Variants in HDAC9 observed in about 807,000 individuals in gnomAD.
The protein encoded by HDAC9 is histone deacetylase 9.
HDAC9 carries 41 observed loss-of-function variants against 139.4 expected under a neutral mutation model. The observed-to-expected ratio is 0.29, with a 90% CI of 0.23 to 0.38. HDAC9 has a LOEUF of 0.38. Among genes scored for constraint, HDAC9 ranks in the 10% least tolerant of loss-of-function variants. The pLI is 1.00. For synonymous variants in HDAC9, 517 were observed against 476.2 expected (o/e 1.09, Z -1.12); for missense variants, 1,147 against 1,297.0 (o/e 0.88, Z 1.78).
At chr7:18,769,474 C>T (rs1192563321) in intron 16 of HDAC9, among the ~76,000 whole-genome samples, 1 of 151,890 alleles carries the variant, frequency 6.6e-6, no homozygotes, top group Non-Finnish European at 1.5e-5. Flanking sequence ...GAGAAGGAGC[C>T]CTGCATTGTT....
chr7:18,133,026 T>C (rs1405330647), intron 1 of HDAC9, among the ~76,000 whole-genome samples: 3 of 152,160 alleles, frequency 2.0e-5, no homozygotes, highest in African/African-American at 7.2e-5. Context: ...TTAATGTAGC[T>C]GAAACTGCTC....
chr7:18,321,998 G>A (rs1189638605), intron 1 of HDAC9, among the ~76,000 whole-genome samples: 1 of 152,116 alleles, frequency 6.6e-6, no homozygotes, highest in Admixed American at 6.5e-5. Flanking sequence ...AGGTGAGAAT[G>A]CCTTTGAGAT....
chr7:18,712,489 C>G (rs1019945002), intron 12 of HDAC9, among the ~76,000 whole-genome samples: 1 of 152,192 alleles, frequency 6.6e-6, no homozygotes, highest in African/African-American at 2.4e-5. Flanking sequence ...TAACTAAAAG[C>G]ATGATTTTAA....
intron 22 of HDAC9, among the ~76,000 whole-genome samples, chr7:18,886,693 AT>A (rs1437518730): frequency 2.0e-5 from 3 of 152,180 alleles, no homozygotes; most frequent in African/African-American, 7.2e-5. Context: ...TTAGATTTCT[AT>A]TTTATATTTT....
At chr7:18,455,393 A>G (rs1793251429) in intron 1 of HDAC9, among the ~76,000 whole-genome samples, 1 of 152,136 alleles carries the variant, frequency 6.6e-6, no homozygotes, top group South Asian at 2.1e-4. Context: ...TTTAGCCAGG[A>G]CATTGATTTC....
At chr7:18,872,982 T>A (rs1799046313) in intron 21 of HDAC9, among the ~76,000 whole-genome samples, 1 of 152,180 alleles carries the variant, frequency 6.6e-6, no homozygotes, top group African/African-American at 2.4e-5. Flanking sequence ...AAAATTAAAT[T>A]GAGTATCTTG....
intron 1 of HDAC9, among the ~76,000 whole-genome samples, chr7:18,131,630 G>A (rs1248814159): frequency 6.6e-6 from 1 of 152,146 alleles, no homozygotes; most frequent in Non-Finnish European, 1.5e-5. Flanking sequence ...AAGAGTCAGT[G>A]TGTTTCCTAA....
chr7:18,940,264 ATCTT>A lies in HDAC9; in HGVS notation c.2937+4324_2937+4327del, dbSNP rs529371430. On this transcript the variant is annotated intron_variant, in intron 23 of 25. Transcript: ENST00000686413. ...AACATGCATTTTCTTCTTTTTAAATATCTTTATCATGAAAATGATCTACTTAGCA... is the reference window on the plus strand; with the variant it reads ...AACATGCATTTTCTTCTTTTTAAATATATCATGAAAATGATCTACTTAGCA... 2.6e-5 allele frequency among the ~76,000 whole-genome samples: 4 copies of A among 152,316 alleles called. No individual in the cohort carries two copies. In the South Asian group the frequency reaches 6.2e-4, roughly 24 times the overall value.
At chr7:18,841,150 C>G (rs893062024) in intron 21 of HDAC9, among the ~76,000 whole-genome samples, 12 of 151,902 alleles carry the variant, frequency 7.9e-5, no homozygotes, top group Non-Finnish European at 1.8e-4. Flanking sequence ...ATTATTCTGG[C>G]TAATTCTTAG....
At chr7:18,825,073 G>A (rs143136671) in intron 17 of HDAC9, among the ~76,000 whole-genome samples, 37 of 152,344 alleles carry the variant, frequency 2.4e-4, no homozygotes, top group African/African-American at 8.2e-4. Context: ...AAGGCCAGAA[G>A]TTTGATTTTG....
chr7:18,971,407 G>A (rs1262428175), intron 24 of HDAC9, among the ~76,000 whole-genome samples: 4 of 152,118 alleles, frequency 2.6e-5, no homozygotes, highest in Non-Finnish European at 5.9e-5. Context: ...TTGACTTTAT[G>A]AATAACAGCT....
intron 2 of HDAC9, among the ~76,000 whole-genome samples, chr7:18,506,520 A>AT (rs1179363294): frequency 1.3e-5 from 2 of 151,932 alleles, no homozygotes; most frequent in African/African-American, 2.4e-5. Flanking sequence ...AAGTGTATAT[A>AT]TATCTGTTTC....
intron 8 of HDAC9, among the ~76,000 whole-genome samples, chr7:18,635,492 A>G (rs1253592258): frequency 1.3e-5 from 2 of 152,058 alleles, no homozygotes; most frequent in African/African-American, 4.8e-5. Flanking sequence ...CTAAGAGGAA[A>G]GTTAATGTAA....
Position 18,183,210 on chromosome 7 carries a change from C to T in HDAC9, c.25+20861C>T, listed in dbSNP as rs375314993. Among the ~76,000 whole-genome samples the T allele has an allele frequency of 4.8e-4, 73 of 151,988 alleles. 1 individual carries two copies. Among genetic ancestry groups the T allele is most frequent in the South Asian group, 1.7e-3 (8 of 4,814 alleles). ...ATTTTTAGTAGAGACGGGGTTTCACCGTGTTAGCCAGGATGGTCTTGATCT... is the reference window on the plus strand; with the variant it reads ...ATTTTTAGTAGAGACGGGGTTTCACTGTGTTAGCCAGGATGGTCTTGATCT... On this transcript the variant is annotated intron_variant, in intron 2 of 12. Coordinates refer to the HDAC9 transcript ENST00000417496.
At chr7:18,185,077 T>G (rs1789797782) in intron 2 of HDAC9, among the ~76,000 whole-genome samples, 2 of 152,318 alleles carry the variant, frequency 1.3e-5, no homozygotes, top group Admixed American at 6.5e-5. Flanking sequence ...TCATGGGAAA[T>G]GAAACTAATT....
intron 25 of HDAC9, among the ~76,000 whole-genome samples, chr7:18,986,989 G>T (rs1785412566): frequency 6.6e-6 from 1 of 152,140 alleles, no homozygotes; most frequent in Non-Finnish European, 1.5e-5. Context: ...GGGTTTTCTA[G>T]ATATACAATC....
rs192923232 is a variant in HDAC9 at position 18,263,159 on chromosome 7, A to G, written c.25+100810A>G. Among the ~76,000 whole-genome samples, 5 of 152,298 alleles carry G rather than the reference A, an allele frequency of 3.3e-5. No homozygotes were observed. In the East Asian group the frequency reaches 9.6e-4, roughly 29 times the overall value. On this transcript the variant is annotated intron_variant, in intron 2 of 12. Transcript: ENST00000417496. ...AATTAGTAAAAGAATGTAGAAAGTA[A>G]AAGAATGGAGGAAGATATGCCATGC... is the stretch of plus-strand genomic sequence containing the variant.
intron 17 of HDAC9, among the ~76,000 whole-genome samples, chr7:18,815,062 T>C (rs778250258): frequency 2.0e-5 from 3 of 152,192 alleles, no homozygotes; most frequent in Non-Finnish European, 4.4e-5. Context: ...CATTCGTTGG[T>C]ACAGTCTTTA....
intron 1 of HDAC9, among the ~76,000 whole-genome samples, chr7:18,387,692 C>T (rs997838): frequency 0.27 from 41,453 of 152,082 alleles, 5,939 homozygotes; most frequent in East Asian, 0.37. Context: ...CTTTTAAAAA[C>T]CTTTTATTTC....
Sources: gnomAD v4.1 joint callset for allele counts (sites outside exome capture counted in the v4.1 genomes callset) on GRCh38, gnomAD v4.1.1 for gene constraint, MANE v1.5 for transcripts, NCBI Gene and HGNC (gene_info 2026-07-23, HGNC 2026-07-21) for gene names.